ERC1: variants seen among roughly 807,000 people sequenced by gnomAD.
ERC1 encodes ELKS/RAB6-interacting/CAST family member 1.
Under a neutral mutation model 132.0 loss-of-function variants are expected in ERC1, and 56 were observed. The observed-to-expected ratio is 0.42, with a 90% CI of 0.34 to 0.53. ERC1 has a LOEUF of 0.53. Ranked by LOEUF, ERC1 falls within the 20% of genes least tolerant of loss-of-function variation. The pLI is 0.03. For missense variants in ERC1, 1,202 were observed against 1,349.9 expected (o/e 0.89, Z 1.72); for synonymous variants, 478 against 476.1 (o/e 1.00, Z -0.05).
At chr12:1,219,576 A>G (rs1461528896) in intron 12 of ERC1, among the ~76,000 whole-genome samples, 1 of 151,440 alleles carries the variant, frequency 6.6e-6, no homozygotes, top group Non-Finnish European at 1.5e-5. Context: ...TCCAATGGCT[A>G]TCTGCTTCTA....
chr12:1,284,685 G>A (rs942040126), intron 14 of ERC1, among the ~76,000 whole-genome samples: 21 of 152,098 alleles, frequency 1.4e-4, no homozygotes, highest in African/African-American at 3.4e-4. Flanking sequence ...AGTGGTTTGA[G>A]GGAGAGACAG....
At chr12:1,354,172 C>T (rs1355403240) in intron 15 of ERC1, among the ~76,000 whole-genome samples, 1 of 151,910 alleles carries the variant, frequency 6.6e-6, no homozygotes, top group African/African-American at 2.4e-5. Context: ...GCAGGACTGT[C>T]AGTACAACTG....
chr12:1,278,554 T>A (rs1351870217), intron 14 of ERC1, among the ~76,000 whole-genome samples: 2 of 152,228 alleles, frequency 1.3e-5, no homozygotes, highest in Non-Finnish European at 2.9e-5. Context: ...TTTCTTCGTG[T>A]AATTTTTAGC....
At chr12:1,450,182 C>T (rs2093394698) in intron 18 of ERC1, among the ~76,000 whole-genome samples, 1 of 152,106 alleles carries the variant, frequency 6.6e-6, no homozygotes, top group Admixed American at 6.6e-5. Flanking sequence ...AAAACATACA[C>T]AACATAAATT....
intron 17 of ERC1, among the ~76,000 whole-genome samples, chr12:1,441,367 G>T (rs2093149588): frequency 6.6e-6 from 1 of 152,118 alleles, no homozygotes; most frequent in African/African-American, 2.4e-5. Context: ...GGCTGAAATT[G>T]ATTGTTTATT....
chr12:1,409,634 G>C (rs1045173993), intron 17 of ERC1, among the ~76,000 whole-genome samples: 1 of 152,148 alleles, frequency 6.6e-6, no homozygotes, highest in East Asian at 1.9e-4. Context: ...CAAAATCCAT[G>C]GTTGCTCAAG....
At chr12:1,328,535 C>G (rs1463623610) in intron 15 of ERC1, among the ~76,000 whole-genome samples, 1 of 151,520 alleles carries the variant, frequency 6.6e-6, no homozygotes, top group Non-Finnish European at 1.5e-5. Flanking sequence ...ATGCAGACTC[C>G]GAAGCCTGAC....
At chr12:1,442,977 G>A (rs951248723) in intron 17 of ERC1, among the ~76,000 whole-genome samples, 3 of 150,912 alleles carry the variant, frequency 2.0e-5, no homozygotes, top group Non-Finnish European at 3.0e-5. Context: ...GTGTGATCTC[G>A]GCTCACTGCA....
intron 18 of ERC1, among the ~76,000 whole-genome samples, chr12:1,456,167 G>T (rs1413978592): frequency 6.6e-6 from 1 of 152,204 alleles, no homozygotes; most frequent in South Asian, 2.1e-4. Context: ...TAAAGTGAAC[G>T]TGGTGACCAA....
chr12:1,471,879 C>T (rs1490437731), intron 18 of ERC1, among the ~76,000 whole-genome samples: 2 of 152,230 alleles, frequency 1.3e-5, no homozygotes, highest in Non-Finnish European at 2.9e-5. Flanking sequence ...AGAGCCTGAT[C>T]CACTAACCAC....
chr12:1,299,978 A>G (rs543863809), intron 15 of ERC1, among the ~76,000 whole-genome samples: 1 of 152,340 alleles, frequency 6.6e-6, no homozygotes, highest in African/African-American at 2.4e-5. Flanking sequence ...AATTTGTCAT[A>G]TGGAACCAAA....
intron 12 of ERC1, among the ~76,000 whole-genome samples, chr12:1,210,731 C>G (rs1407835210): frequency 2.0e-5 from 3 of 152,154 alleles, no homozygotes; most frequent in Admixed American, 2.0e-4. Flanking sequence ...CATGGTGGCT[C>G]ACGCCTGTAA....
At chr12:1,393,126 A>G (rs2090119598) in intron 16 of ERC1, among the ~76,000 whole-genome samples, 1 of 152,234 alleles carries the variant, frequency 6.6e-6, no homozygotes, top group Non-Finnish European at 1.5e-5. Flanking sequence ...GTATGTACAC[A>G]CAGGTGTATA....
intron 16 of ERC1, among the ~76,000 whole-genome samples, chr12:1,381,569 C>T (rs561477928): frequency 2.0e-5 from 3 of 152,246 alleles, no homozygotes; most frequent in East Asian, 3.9e-4. Flanking sequence ...TCCTTTCAAC[C>T]CTAAATTTGT....
At chr12:1,402,587 T>A (rs1454570931) in intron 16 of ERC1, among the ~76,000 whole-genome samples, 1 of 133,804 alleles carries the variant, frequency 7.5e-6, no homozygotes, top group African/African-American at 3.4e-5. Flanking sequence ...AATCAAGAAA[T>A]AGAAAAAGAA....
intron 7 of ERC1, among the ~76,000 whole-genome samples, chr12:1,123,520 G>A (rs558232394): frequency 7.2e-5 from 11 of 152,094 alleles, no homozygotes; most frequent in Admixed American, 3.3e-4. Flanking sequence ...TACAGAGATA[G>A]AAAAAAATTT....
At chr12:1,109,769 T>G (rs35161153) in intron 4 of ERC1, among the ~76,000 whole-genome samples, 1 of 152,200 alleles carries the variant, frequency 6.6e-6, no homozygotes, top group Non-Finnish European at 1.5e-5. Flanking sequence ...AGGCACTGGC[T>G]GGGCATGGTG....
intron 17 of ERC1, among the ~76,000 whole-genome samples, chr12:1,428,553 CT>C (rs1317407603): frequency 6.6e-6 from 1 of 152,060 alleles, no homozygotes; most frequent in African/African-American, 2.4e-5. Flanking sequence ...ACGACTTGAC[CT>C]TTTTTTAATA....
intron 1 of ERC1, among the ~76,000 whole-genome samples, chr12:1,001,570 C>T (rs1460140577): frequency 2.0e-5 from 3 of 152,084 alleles, no homozygotes; most frequent in Non-Finnish European, 4.4e-5. Context: ...AGGAGAATCA[C>T]CTTCTTTTTT....
Sources: allele counts gnomAD v4.1 joint callset (sites outside exome capture counted in the v4.1 genomes callset), GRCh38; gene constraint gnomAD v4.1.1; transcripts MANE v1.5; gene names NCBI Gene and HGNC (gene_info 2026-07-23, HGNC 2026-07-21).